NRG3: variants seen among roughly 807,000 people sequenced by gnomAD.
NRG3 encodes the protein pro-neuregulin-3, membrane-bound isoform.
Under a neutral mutation model 66.9 loss-of-function variants are expected in NRG3, and 31 were observed. The ratio of observed to expected loss-of-function variants is 0.46; its 90% confidence interval spans 0.35 to 0.63. NRG3 has a LOEUF of 0.63. Ranked by LOEUF, NRG3 falls within the 20% of genes least tolerant of loss-of-function variation. The pLI is 0.00. For missense variants in NRG3, 910 were observed against 878.9 expected (o/e 1.04, Z -0.45); for synonymous variants, 393 against 359.4 (o/e 1.09, Z -1.06).
chr10:82,248,843 T>C (rs74146527), intron 1 of NRG3, among the ~76,000 whole-genome samples: 255 of 152,332 alleles, frequency 1.7e-3, no homozygotes, highest in African/African-American at 5.6e-3. Flanking sequence ...CATTCTATAT[T>C]GCCTAACAAT....
At chr10:82,881,384 G>C (rs1054417364) in intron 4 of NRG3, among the ~76,000 whole-genome samples, 1 of 152,184 alleles carries the variant, frequency 6.6e-6, no homozygotes, top group Non-Finnish European at 1.5e-5. Flanking sequence ...AATAACAGCT[G>C]TGTCTTTATC....
chr10:82,257,758 T>A (rs1002329131), intron 1 of NRG3, among the ~76,000 whole-genome samples: 6 of 151,994 alleles, frequency 3.9e-5, no homozygotes, highest in Non-Finnish European at 7.4e-5. Context: ...CAGAGCAAGA[T>A]TTTGTCTCAA....
chr10:82,349,352 G>A lies in NRG3; in HGVS notation c.824-9387G>A, dbSNP rs1287994773. 4.6e-5 allele frequency among the ~76,000 whole-genome samples: 7 copies of A among 151,964 alleles called. No homozygotes were observed. In the East Asian group the frequency reaches 7.8e-4, roughly 17 times the overall value. On this transcript the variant is annotated intron_variant, in intron 1 of 8. Coordinates refer to ENST00000372141, the MANE Select transcript of NRG3 (RefSeq NM_001010848.4). ...TGAGATGTCAGTGTGCCCCTGCTGGGGGGTGCCTCCCAGTTAGGCTGCTCG... is the reference window on the plus strand; with the variant it reads ...TGAGATGTCAGTGTGCCCCTGCTGGAGGGTGCCTCCCAGTTAGGCTGCTCG...
chr10:82,247,107 T>C (rs1312490632), intron 1 of NRG3, among the ~76,000 whole-genome samples: 1 of 152,206 alleles, frequency 6.6e-6, no homozygotes, highest in African/African-American at 2.4e-5. Context: ...AACATTGTTC[T>C]CCTCAGCAAA....
At chr10:82,846,817 A>G (rs1191161527) in intron 3 of NRG3, among the ~76,000 whole-genome samples, 2 of 152,222 alleles carry the variant, frequency 1.3e-5, no homozygotes, top group Admixed American at 1.3e-4. Context: ...TTGGTTTTGG[A>G]GTTGTGGTGC....
chr10:82,820,256 C>T lies in NRG3; in HGVS notation c.1028-45155C>T, dbSNP rs191750544. Among the ~76,000 whole-genome samples the T allele has an allele frequency of 1.5e-4, 23 of 152,298 alleles. No homozygotes were observed. In the East Asian group the frequency reaches 3.9e-3, roughly 26 times the overall value. On this transcript the variant is annotated intron_variant, in intron 3 of 8. Coordinates refer to ENST00000372141, the MANE Select transcript of NRG3 (RefSeq NM_001010848.4). ...AACTTTTAACACTTAGCTGTCCCAT[C>T]TGTGAATCTCTGTGGCTCATTATTG... is the stretch of plus-strand genomic sequence containing the variant.
At chr10:82,863,505 G>A (rs796244116) in intron 3 of NRG3, among the ~76,000 whole-genome samples, 4 of 152,154 alleles carry the variant, frequency 2.6e-5, no homozygotes, top group South Asian at 2.1e-4. Flanking sequence ...ATTTCTCCAC[G>A]TCCTCTCCAG....
At chr10:82,077,421 A>T (rs186162812) in intron 1 of NRG3, among the ~76,000 whole-genome samples, 121 of 152,338 alleles carry the variant, frequency 7.9e-4, no homozygotes, top group African/African-American at 2.8e-3. Flanking sequence ...ACTCAGTTTA[A>T]CAAATATTAA....
At chr10:82,893,557 G>A (rs182130821) in intron 4 of NRG3, among the ~76,000 whole-genome samples, 26 of 152,176 alleles carry the variant, frequency 1.7e-4, no homozygotes, top group Admixed American at 4.6e-4. Context: ...GTGTGTTGGC[G>A]TGTGCCTGTA....
rs2086021433 is a variant in NRG3 at position 82,386,771 on chromosome 10, C to T, written c.953+27903C>T. Among the ~76,000 whole-genome samples the T allele has an allele frequency of 2.6e-5, 4 of 151,940 alleles. No individual in the cohort carries two copies. In the South Asian group the frequency reaches 6.2e-4, roughly 24 times the overall value. ...AACACAGGAGTTAGTTCAGTCTTGG[C>T]AGGTTTTCTTTTTCTCTTCTTTTTA... On this transcript the variant is annotated intron_variant, in intron 2 of 8. Coordinates refer to ENST00000372141, the MANE Select transcript of NRG3 (RefSeq NM_001010848.4).
chr10:82,101,680 C>T (rs2066730038), intron 1 of NRG3, among the ~76,000 whole-genome samples: 1 of 151,630 alleles, frequency 6.6e-6, no homozygotes, highest in Non-Finnish European at 1.5e-5. Flanking sequence ...CTCTGTTATG[C>T]TAAGAGATCA....
At chr10:82,115,498 T>A (rs1164672836) in intron 1 of NRG3, among the ~76,000 whole-genome samples, 1 of 152,176 alleles carries the variant, frequency 6.6e-6, no homozygotes. Flanking sequence ...TGAATTTTAT[T>A]TGAGGAAAAA....
At chr10:82,473,835 A>C (rs1047563511) in intron 2 of NRG3, among the ~76,000 whole-genome samples, 4 of 152,190 alleles carry the variant, frequency 2.6e-5, no homozygotes, top group African/African-American at 9.7e-5. Flanking sequence ...CATGGGAAGC[A>C]GTGGTGATGC....
intron 2 of NRG3, among the ~76,000 whole-genome samples, chr10:82,503,549 A>G (rs553395585): frequency 1.3e-5 from 2 of 152,322 alleles, no homozygotes; most frequent in African/African-American, 2.4e-5. Flanking sequence ...TGCACTAGGC[A>G]AATTGTGGGC....
At chr10:82,113,101 G>C (rs1394013731) in intron 1 of NRG3, among the ~76,000 whole-genome samples, 1 of 152,166 alleles carries the variant, frequency 6.6e-6, no homozygotes, top group Non-Finnish European at 1.5e-5. Context: ...TGGGATAATA[G>C]TAATGTAGGG....
At chr10:82,280,165 A>T (rs1265684744) in intron 1 of NRG3, among the ~76,000 whole-genome samples, 1 of 145,836 alleles carries the variant, frequency 6.9e-6, no homozygotes, top group African/African-American at 2.6e-5. Flanking sequence ...CCCCTATCCA[A>T]TCAAAGAGAA....
intron 1 of NRG3, among the ~76,000 whole-genome samples, chr10:82,036,083 T>C (rs10509445): frequency 0.38 from 58,324 of 151,950 alleles, 12,649 homozygotes; most frequent in South Asian, 0.56. Flanking sequence ...TCATCTATGA[T>C]TTTCATTCTC....
At chr10:82,086,403 G>C (rs1020842680) in intron 1 of NRG3, among the ~76,000 whole-genome samples, 2 of 151,982 alleles carry the variant, frequency 1.3e-5, no homozygotes, top group African/African-American at 4.8e-5. Flanking sequence ...TCAGATTGCA[G>C]TTCAATTTTT....
chr10:82,487,669 A>G (rs1842790834), intron 2 of NRG3, among the ~76,000 whole-genome samples: 1 of 152,212 alleles, frequency 6.6e-6, no homozygotes, highest in Non-Finnish European at 1.5e-5. Flanking sequence ...GTTTATTAGA[A>G]AAAGAAAAGG....
Sources: gnomAD v4.1 joint callset for allele counts (sites outside exome capture counted in the v4.1 genomes callset) on GRCh38, gnomAD v4.1.1 for gene constraint, MANE v1.5 for transcripts, NCBI Gene and HGNC (gene_info 2026-07-23, HGNC 2026-07-21) for gene names.